The following ZNF804B variants were observed in gnomAD, a reference collection of about 807,000 sequenced individuals.
ZNF804B encodes the protein zinc finger 804B.
A neutral mutation model predicts 101.4 loss-of-function variants in ZNF804B; 80 were observed. The ratio of observed to expected loss-of-function variants is 0.79; its 90% CI spans 0.66 to 0.95. The LOEUF is 0.95. ZNF804B is among the 40% of genes least tolerant of loss of function. The pLI is 0.00. For synonymous variants in ZNF804B, 622 were observed against 558.8 expected (o/e 1.11, Z -1.59); for missense variants, 1,673 against 1,561.9 (o/e 1.07, Z -1.20).
At position 89,333,568 on chromosome 7, in the gene ZNF804B, C is replaced by T. The variant is rs773501845; in HGVS notation, c.586C>T (p.Arg196Cys). The T allele has an allele frequency of 1.4e-5, 23 of 1,613,360 alleles. No individual in the cohort carries two copies. Among genetic ancestry groups the T allele is most frequent in the African/African-American group, 2.7e-5 (2 of 74,868 alleles). Residue 196 changes from arginine (R) to cysteine (C), a missense_variant, in exon 4 of 4, where the codon CGT (arginine) becomes TGT (cysteine). Coordinates refer to ENST00000333190, the MANE Select transcript of ZNF804B (RefSeq NM_181646.5). ...PNRHQLQSDR[R>C]CLFGNQVLQT... ...TCGACACCAATTACAATCAGACAGG[C>T]GTTGTTTGTTTGGAAATCAGGTACT...
At chr7:89,201,963 A>G (rs2115652402) in intron 1 of ZNF804B, among the ~76,000 whole-genome samples, 1 of 152,176 alleles carries the variant, frequency 6.6e-6, no homozygotes, top group Non-Finnish European at 1.5e-5. Flanking sequence ...CTAAATACAC[A>G]CAGTACTTTA....
At chr7:89,192,456 TA>T (rs564681976) in intron 1 of ZNF804B, among the ~76,000 whole-genome samples, 175 of 146,888 alleles carry the variant, frequency 1.2e-3, no homozygotes, top group Non-Finnish European at 1.5e-3. Flanking sequence ...TGGATTAAAC[TA>T]AAAAAAAAAG....
intron 1 of ZNF804B, among the ~76,000 whole-genome samples, chr7:89,063,098 A>G (rs1789402575): frequency 6.6e-6 from 1 of 152,154 alleles, no homozygotes; most frequent in Non-Finnish European, 1.5e-5. Context: ...GTTAGACATG[A>G]AAGTAAGTAT....
intron 2 of ZNF804B, among the ~76,000 whole-genome samples, chr7:89,243,685 C>T (rs147433741): frequency 7.9e-4 from 120 of 151,548 alleles, no homozygotes; most frequent in East Asian, 6.8e-3. Flanking sequence ...TATTTTCCAG[C>T]GAAGTTTGGA....
intron 2 of ZNF804B, among the ~76,000 whole-genome samples, chr7:89,239,919 C>T (rs1028258451): frequency 1.2e-4 from 18 of 151,476 alleles, no homozygotes; most frequent in Non-Finnish European, 2.7e-4. Flanking sequence ...TCTTATAATT[C>T]AACTGAGTGT....
At chr7:89,054,511 G>T (rs1435032556) in intron 1 of ZNF804B, among the ~76,000 whole-genome samples, 1 of 151,798 alleles carries the variant, frequency 6.6e-6, no homozygotes, top group Non-Finnish European at 1.5e-5. Context: ...GAGATGCTCA[G>T]ACCATACCAC....
chr7:89,120,210 C>A (rs1301506818), intron 1 of ZNF804B, among the ~76,000 whole-genome samples: 7 of 151,988 alleles, frequency 4.6e-5, no homozygotes, highest in Admixed American at 1.3e-4. Context: ...CTTGCTTGAA[C>A]CTAGGAGGCA....
intron 1 of ZNF804B, among the ~76,000 whole-genome samples, chr7:88,989,978 C>T (rs1793821057): frequency 6.6e-6 from 1 of 151,792 alleles, no homozygotes; most frequent in African/African-American, 2.4e-5. Flanking sequence ...CTTATGAAGA[C>T]AACAAAGTTC....
intron 1 of ZNF804B, among the ~76,000 whole-genome samples, chr7:88,894,766 T>A (rs1274640761): frequency 3.0e-4 from 45 of 152,122 alleles, no homozygotes. Flanking sequence ...ATAGGCTATA[T>A]ACTGCATTAT....
At chr7:88,811,404 A>C (rs1317541530) in intron 1 of ZNF804B, among the ~76,000 whole-genome samples, 1 of 152,228 alleles carries the variant, frequency 6.6e-6, no homozygotes, top group African/African-American at 2.4e-5. Context: ...GCGGGCATGT[A>C]AATTAGTTCA....
rs76504333 is a variant in ZNF804B, at chr7:88,921,251, A to C, written c.108+161167A>C. On this transcript the variant is annotated intron_variant, in intron 1 of 3. Coordinates refer to ENST00000333190, the MANE Select transcript of ZNF804B (RefSeq NM_181646.5). ...GTTGGTGGAAGGAGAGGAGTGAGTT[A>C]AGACAAAAAACTGGATGGTGAAGTA... Among the ~76,000 whole-genome samples the C allele has an allele frequency of 1.5e-4, 23 of 152,136 alleles. 1 individual carries two copies. In the East Asian group the frequency reaches 4.4e-3, roughly 29 times the overall value.
chr7:89,337,135 G>T lies in ZNF804B; in HGVS notation c.*103G>T. 1.7e-6 allele frequency: 2 copies of T among 1,152,518 alleles called. No homozygotes were observed. The highest frequency in any genetic ancestry group is 2.4e-6 in the Non-Finnish European group (2 of 834,798). 71.4% of individuals were successfully genotyped at this position (1,152,518 alleles called of 1,614,324 possible). A position where few individuals can be genotyped will look rare whatever the true frequency, so the allele number is the denominator to read the frequency against. On this transcript the variant is annotated 3_prime_UTR_variant, in exon 4 of 4. Transcript: ENST00000333190. Reference sequence around the variant, plus strand: ...CAATTATAAGATTTAAAATATTGCTGCCAATTCAAAATGTGACAAATATAT... The same window carrying T: ...CAATTATAAGATTTAAAATATTGCTTCCAATTCAAAATGTGACAAATATAT...
chr7:89,252,001 A>G (rs1789548348), intron 2 of ZNF804B, among the ~76,000 whole-genome samples: 1 of 152,136 alleles, frequency 6.6e-6, no homozygotes, highest in Non-Finnish European at 1.5e-5. Context: ...GCCTTCAGAA[A>G]TAATCTATGA....
Position 88,988,769 on chromosome 7 carries a change from G to A in ZNF804B, c.108+228685G>A, listed in dbSNP as rs146475344. Among the ~76,000 whole-genome samples, 1,406 of 152,216 alleles carry A rather than the reference G, an allele frequency of 9.2e-3. 23 individuals are homozygous for A. Among genetic ancestry groups the A allele is most frequent in the South Asian group, 0.078 (378 of 4,826 alleles). ...AAGAAGAGTATCTCTATAGGGAGAA[G>A]GAAGGTTAATATATGAGTAAGACTA... On this transcript the variant is annotated intron_variant, in intron 1 of 3. Transcript: ENST00000333190.
intron 1 of ZNF804B, among the ~76,000 whole-genome samples, chr7:88,824,744 C>T (rs1341386718): frequency 6.6e-6 from 1 of 151,968 alleles, no homozygotes; most frequent in South Asian, 2.1e-4. Flanking sequence ...AACATTGCAT[C>T]TGATGCATTC....
chr7:88,932,014 G>T (rs576170766), intron 1 of ZNF804B, among the ~76,000 whole-genome samples: 88 of 147,294 alleles, frequency 6.0e-4, no homozygotes, highest in African/African-American at 2.1e-3. Flanking sequence ...AAAAAAAAAA[G>T]ACATATTAAC....
chr7:89,023,351 G>T (rs1416141624), intron 1 of ZNF804B, among the ~76,000 whole-genome samples: 2 of 152,176 alleles, frequency 1.3e-5, no homozygotes, highest in Non-Finnish European at 2.9e-5. Context: ...TGAGACAATA[G>T]ATGAATTCAT....
At chr7:88,993,647 T>A (rs1793879483) in intron 1 of ZNF804B, among the ~76,000 whole-genome samples, 1 of 151,954 alleles carries the variant, frequency 6.6e-6, no homozygotes, top group Non-Finnish European at 1.5e-5. Flanking sequence ...GAAACCAGAA[T>A]TAAGCATTCG....
At chr7:88,998,739 G>A (rs539248743) in intron 1 of ZNF804B, among the ~76,000 whole-genome samples, 25 of 152,080 alleles carry the variant, frequency 1.6e-4, no homozygotes, top group African/African-American at 6.0e-4. Flanking sequence ...TGGGGATGGA[G>A]TAGGGATAGG....
Sources: gnomAD v4.1 joint callset for allele counts (sites outside exome capture counted in the v4.1 genomes callset) on GRCh38, gnomAD v4.1.1 for gene constraint, MANE v1.5 for transcripts, NCBI Gene and HGNC (gene_info 2026-07-23, HGNC 2026-07-21) for gene names.